SPTBN4: variants seen among roughly 807,000 people sequenced by gnomAD.
SPTBN4 encodes the protein spectrin beta chain, non-erythrocytic 4.
Under a neutral mutation model 277.8 loss-of-function variants are expected in SPTBN4, and 96 were observed. The ratio of observed to expected loss-of-function variants is 0.35; its 90% CI spans 0.29 to 0.41. The LOEUF (loss-of-function observed/expected upper bound fraction) is 0.41. Among genes scored for constraint, SPTBN4 ranks in the 10% least tolerant of loss-of-function variants. The pLI is 1.00. For synonymous variants in SPTBN4, 1,481 were observed against 1,580.3 expected, an observed-to-expected ratio of 0.94 and a Z score of 1.49; for missense variants, 3,006 against 3,595.7, an observed-to-expected ratio of 0.84 and a Z score of 4.19.
chr19:40,558,589 A>G (rs545557320), intron 26 of SPTBN4, among the ~76,000 whole-genome samples: 163 of 151,638 alleles, frequency 1.1e-3, no homozygotes, highest in Non-Finnish European at 1.9e-3. Flanking sequence ...GGAAGGTAGA[A>G]GTTGGGCAAT....
At chr19:40,467,351 C>T (rs1016045120) in intron 1 of SPTBN4, 46 bp downstream of exon 1, 3 of 152,176 alleles carry the variant, frequency 2.0e-5, no homozygotes, top group African/African-American at 7.2e-5. Flanking sequence ...AGTATGTCCC[C>T]ACCTGGCGAG....
chr19:40,484,521 A>G (rs1445154997), intron 2 of SPTBN4, among the ~76,000 whole-genome samples: 1 of 152,222 alleles, frequency 6.6e-6, no homozygotes, highest in Non-Finnish European at 1.5e-5. Flanking sequence ...GTCAGTGTAC[A>G]TTCCAGGTTA....
Position 40,467,625 on chromosome 19 carries a change from G to C in SPTBN4, c.-16+320G>C, listed in dbSNP as rs537424466. ...GCCCAGCGCCCCACCAGCCTTTGCG[G>C]GGGGGGGGGGGTGTTGGGGGGAGGC... is the stretch of plus-strand genomic sequence containing the variant. On this transcript the variant is annotated intron_variant, in intron 1 of 35. Transcript: ENST00000598249. Among the ~76,000 whole-genome samples, 462 of 62,694 alleles carry C rather than the reference G, an allele frequency of 7.4e-3. 7 individuals are homozygous for C. Among genetic ancestry groups the C allele is most frequent in the African/African-American group, 0.03 (421 of 14,136 alleles). The allele number at this position is 62,694 out of a possible 152,430, so 41.1% of individuals were successfully genotyped here. A position where few individuals can be genotyped will look rare whatever the true frequency, so the allele number is the denominator to read the frequency against.
rs117723001 is a variant in SPTBN4, at chr19:40,540,968, C to T, written c.4359+6625C>T. On this transcript the variant is annotated intron_variant, in intron 20 of 35. Coordinates refer to ENST00000598249, the MANE Select transcript of SPTBN4 (RefSeq NM_020971.3). ...CTGTGGCTGCTCACTCTCTCCCCAG[C>T]AGTACACATGAGCTCCTGTTTCCTC... Among the ~76,000 whole-genome samples, 715 of 152,244 alleles carry T rather than the reference C, an allele frequency of 4.7e-3. 23 individuals carry two copies. Among genetic ancestry groups the T allele is most frequent in the East Asian group, 0.035 (182 of 5,160 alleles).
At chr19:40,567,522 A>G (rs1157583415) in intron 30 of SPTBN4, 141 bp from the exon 31 acceptor site, 3 of 725,554 alleles carry the variant, frequency 4.1e-6, no homozygotes, top group East Asian at 3.4e-5. Context: ...AAAGCATCGC[A>G]CAGGCCTGGA....
chr19:40,553,844 G>A (rs2080945082), intron 22 of SPTBN4, among the ~76,000 whole-genome samples: 2 of 152,150 alleles, frequency 1.3e-5, no homozygotes, highest in African/African-American at 4.8e-5. Flanking sequence ...AAGCGGCTTG[G>A]CTCAGAGCAC....
chr19:40,508,412 C>T (rs73048198), intron 13 of SPTBN4, among the ~76,000 whole-genome samples: 8,088 of 152,246 alleles, frequency 0.053, 289 homozygotes, highest in Non-Finnish European at 0.079. Context: ...GGGGGCTAGG[C>T]GCGGTGGCTC....
At chr19:40,528,959 C>A in intron 17 of SPTBN4, 82 bp from the exon 18 acceptor site, 1 of 1,034,528 alleles carries the variant, frequency 9.7e-7, no homozygotes, top group Non-Finnish European at 1.5e-6. Flanking sequence ...CCCTACCCAG[C>A]CCAGTGCCCT....
intron 24 of SPTBN4, among the ~76,000 whole-genome samples, chr19:40,555,792 G>A (rs748940447): frequency 5.3e-5 from 8 of 151,896 alleles, no homozygotes; most frequent in Non-Finnish European, 1.2e-4. Flanking sequence ...GTAGAGTCAC[G>A]TGCCTGTGGT....
chr19:40,487,021 T>TGACTGCTGAGGCTG lies in SPTBN4; in HGVS notation c.170-671_170-658dup, dbSNP rs375982968. Among the ~76,000 whole-genome samples, 485 of 146,452 alleles carry TGACTGCTGAGGCTG rather than the reference T, an allele frequency of 3.3e-3. 1 individual carries two copies. Among genetic ancestry groups the TGACTGCTGAGGCTG allele is most frequent in the African/African-American group, 0.012 (449 of 37,954 alleles). On this transcript the variant is annotated intron_variant, in intron 2 of 35. Coordinates refer to ENST00000598249, the MANE Select transcript of SPTBN4 (RefSeq NM_020971.3). The stretch of plus-strand genomic sequence containing the variant: ...AAGGCGTCACAGGTAGGAGGAGACA[T>TGACTGCTGAGGCTG]GACTGCTGAGGCTGGACTCTCTTTT...
intron 14 of SPTBN4, among the ~76,000 whole-genome samples, chr19:40,514,186 C>T (rs556820724): frequency 6.6e-5 from 10 of 152,354 alleles, no homozygotes; most frequent in African/African-American, 2.4e-4. Flanking sequence ...TCCATACATT[C>T]ATTCAGCAGG....
intron 30 of SPTBN4, 133 bp downstream of exon 30, chr19:40,566,492 C>T (rs2081093833): frequency 2.1e-5 from 17 of 802,490 alleles, no homozygotes; most frequent in Admixed American, 1.4e-4. Flanking sequence ...CAGACTCTTG[C>T]TAGGCTCCCA....
chr19:40,515,557 C>A lies in SPTBN4; in HGVS notation c.2903+109C>A, dbSNP rs564474430. 3 of 1,249,976 alleles carry A rather than the reference C, an allele frequency of 2.4e-6. No individual in the cohort carries two copies. Among genetic ancestry groups the A allele is most frequent in the Middle Eastern group, 2.9e-4 (1 of 3,492 alleles). 77.4% of individuals were successfully genotyped at this position (1,249,976 alleles called of 1,614,324 possible). ...AACCCCTGGAATCATAATGGCCACC[C>A]GATAAATCAACAAAATGTTGACCAA... On this transcript the variant is annotated intron_variant, in intron 15 of 35. Transcript: ENST00000598249. This position sits in a 1 kb window ranked among gnomAD's most constrained non-coding sequence, Gnocchi z 4.1.
intron 3 of SPTBN4, among the ~76,000 whole-genome samples, chr19:40,488,575 G>A (rs2080099667): frequency 6.6e-6 from 1 of 152,152 alleles, no homozygotes; most frequent in South Asian, 2.1e-4. Context: ...AGGAACACTT[G>A]AGCTCAGGAG....
In SPTBN4 at chr19:40,515,761, T is replaced by A. The variant is rs2080446619; in HGVS notation, c.2903+313T>A. Among the ~76,000 whole-genome samples, 1 of 151,606 alleles carries A rather than the reference T, an allele frequency of 6.6e-6. No homozygotes were observed. Among genetic ancestry groups the A allele is most frequent in the Non-Finnish European group, 1.5e-5 (1 of 67,960 alleles). On this transcript the variant is annotated intron_variant, in intron 15 of 35. Coordinates refer to ENST00000598249, the MANE Select transcript of SPTBN4 (RefSeq NM_020971.3). This position sits in a 1 kb window ranked among gnomAD's most constrained non-coding sequence, Gnocchi z 4.1. ...ACATTCTTCCGGGCACAGTGGCTCATACTGTAATCCCAGCACTTCAGGAGG... is the reference window on the plus strand; with the variant it reads ...ACATTCTTCCGGGCACAGTGGCTCAAACTGTAATCCCAGCACTTCAGGAGG...
rs1320576186 is a variant in SPTBN4, at chr19:40,549,255, C to G, written c.4426C>G (p.Leu1476Val). The G allele has an allele frequency of 1.3e-6, 2 of 1,546,904 alleles. No homozygotes were observed. Among genetic ancestry groups the G allele is most frequent in the Non-Finnish European group, 8.7e-7 (1 of 1,146,850 alleles). The change falls in exon 21 of 36, where the codon CTG becomes GTG. Residue 1476 changes from leucine to valine, a missense_variant. Around this residue, in one of 5 missense-constraint regions of SPTBN4, gnomAD observed 1,759 missense variants for 2,061.5 expected, o/e 0.85. Coordinates refer to ENST00000598249, the MANE Select transcript of SPTBN4 (RefSeq NM_020971.3). ...VGELQAQTAA[L>V]PLEPASKELV... ...AGAGCTGCAGGCGCAGACGGCGGCG[C>G]TGCCGCTGGAGCCGGCGAGCAAGGA...
intron 12 of SPTBN4, 24 bp downstream of exon 12, chr19:40,504,156 C>CGGG: frequency 1.1e-6 from 1 of 889,458 alleles, no homozygotes; most frequent in Non-Finnish European, 1.6e-6. Context: ...GGCGGGGATG[C>CGGG]GGGTGGAGTG....
intron 2 of SPTBN4, among the ~76,000 whole-genome samples, chr19:40,480,234 A>G (rs891850118): frequency 1.4e-5 from 2 of 146,950 alleles, no homozygotes. Context: ...CGGGGTTAAC[A>G]GAGAGAGACT....
Position 40,493,366 on chromosome 19 carries a change from A to C in SPTBN4, c.587+312A>C, listed in dbSNP as rs558634834. ...TAGGTTCCAGTGATCCTCCCTCCTC[A>C]GCCTCCCAAGTAGCTGGGACTACTG... On this transcript the variant is annotated intron_variant, in intron 5 of 35. Transcript: ENST00000598249. 7.9e-5 allele frequency among the ~76,000 whole-genome samples: 12 copies of C among 152,182 alleles called. No individual in the cohort carries two copies. The East Asian group carries it at 2.1e-3, about 27-fold the overall frequency.
Sources: allele counts gnomAD v4.1 joint callset (sites outside exome capture counted in the v4.1 genomes callset), GRCh38; gene constraint gnomAD v4.1.1; regional missense constraint gnomAD v4.1.1; non-coding constraint Gnocchi (gnomAD v3.1); transcripts MANE v1.5; gene names NCBI Gene and HGNC (gene_info 2026-07-23, HGNC 2026-07-21).